The following NCKAP5 variants were observed in gnomAD, a reference collection of about 807,000 sequenced individuals.
NCKAP5 encodes the protein nck-associated protein 5.
NCKAP5 carries 92 observed loss-of-function variants against 167.0 expected under a neutral mutation model. The observed-to-expected ratio is 0.55, with a 90% CI of 0.47 to 0.66. The LOEUF (loss-of-function observed/expected upper bound fraction) is 0.66. Among genes scored for constraint, NCKAP5 ranks in the 30% least tolerant of loss-of-function variants. NCKAP5 has a pLI of 0.00. For missense variants in NCKAP5, 2,378 were observed against 2,315.0 expected, an observed-to-expected ratio of 1.03 and a Z score of -0.56; for synonymous variants, 891 against 877.4, an observed-to-expected ratio of 1.02 and a Z score of -0.27.
intron 16 of NCKAP5, among the ~76,000 whole-genome samples, chr2:132,759,773 C>T (rs901848652): frequency 6.6e-6 from 1 of 151,698 alleles, no homozygotes; most frequent in African/African-American, 2.4e-5. Flanking sequence ...TAATCTTTGC[C>T]TTTTAACTAG....
intron 3 of NCKAP5, among the ~76,000 whole-genome samples, chr2:133,424,299 A>G (rs888538851): frequency 1.3e-5 from 2 of 152,142 alleles, no homozygotes; most frequent in African/African-American, 4.8e-5. Flanking sequence ...AGGTTTCCCA[A>G]TCAGTGTGAC....
At chr2:133,308,079 A>ATTTT (rs60111877) in intron 3 of NCKAP5, among the ~76,000 whole-genome samples, 15 of 89,396 alleles carry the variant, frequency 1.7e-4, no homozygotes, top group African/African-American at 4.1e-4. Flanking sequence ...TTATTGTTCT[A>ATTTT]TTTTTTTTTT....
Position 133,390,376 on chromosome 2 carries a change from C to G in NCKAP5, c.70-87266G>C, listed in dbSNP as rs111987217. 8.5e-5 allele frequency among the ~76,000 whole-genome samples: 13 copies of G among 152,244 alleles called. No homozygotes were observed. In the South Asian group the frequency reaches 2.1e-3, roughly 24 times the overall value. On this transcript the variant is annotated intron_variant, in intron 3 of 19. Transcript: ENST00000409261. Reference sequence around the variant, plus strand: ...GTTGAATGTGGCTATTATGTGCATACCAGGGAGGACATAAAGCTTCCCACA... The same window carrying G: ...GTTGAATGTGGCTATTATGTGCATAGCAGGGAGGACATAAAGCTTCCCACA...
chr2:133,164,145 T>C (rs954181027), intron 5 of NCKAP5, among the ~76,000 whole-genome samples: 4 of 152,208 alleles, frequency 2.6e-5, no homozygotes, highest in African/African-American at 7.2e-5. Context: ...GTCCATGCTA[T>C]GCAAGCACAG....
the NCKAP5 span, among the ~76,000 whole-genome samples, chr2:133,586,235 C>T: frequency 6.6e-6 from 1 of 152,140 alleles, no homozygotes; most frequent in African/African-American, 2.4e-5. Flanking sequence ...AAGCACCTCC[C>T]TCAGAGGGTC....
At chr2:132,745,349 C>T (rs886680766) in intron 16 of NCKAP5, among the ~76,000 whole-genome samples, 3 of 150,966 alleles carry the variant, frequency 2.0e-5, no homozygotes, top group African/African-American at 7.3e-5. Context: ...TCTCAAAATA[C>T]ATAGAAAAAA....
chr2:133,500,755 T>C (rs1682435972), intron 3 of NCKAP5, among the ~76,000 whole-genome samples: 1 of 152,228 alleles, frequency 6.6e-6, no homozygotes, highest in Admixed American at 6.5e-5. Context: ...TTCTTCAGGA[T>C]CATCTTTATA....
intron 4 of NCKAP5, among the ~76,000 whole-genome samples, chr2:133,291,269 C>A (rs1679578499): frequency 6.6e-6 from 1 of 152,172 alleles, no homozygotes; most frequent in African/African-American, 2.4e-5. Context: ...AAAACATGCT[C>A]TCATGAGATA....
At position 132,766,278 on chromosome 2, in the gene NCKAP5, CAAAAAAAAA is replaced by C. The variant is rs70973405; in HGVS notation, c.5128+7529_5128+7537del. 4.6e-3 allele frequency among the ~76,000 whole-genome samples: 176 copies of C among 38,432 alleles called. 2 individuals carry two copies. Among genetic ancestry groups the C allele is most frequent in the African/African-American group, 0.012 (134 of 11,062 alleles). The allele number at this position is 38,432 out of a possible 152,430, so 25.2% of individuals were successfully genotyped here. On this transcript the variant is annotated intron_variant, in intron 16 of 19. Coordinates refer to ENST00000409261, the MANE Select transcript of NCKAP5 (RefSeq NM_207363.3). ...CTGGCGAAACAGTGAGATTCTGTCT[CAAAAAAAAA>C]AAAAAAAAAAAAAAAAAAGAGAAAA...
chr2:133,320,844 G>A (rs1681998114), intron 3 of NCKAP5, among the ~76,000 whole-genome samples: 1 of 152,196 alleles, frequency 6.6e-6, no homozygotes, highest in African/African-American at 2.4e-5. Context: ...TTTCTGTGAT[G>A]ACGCTGGAGA....
chr2:133,438,416 C>G (rs1690631009), intron 3 of NCKAP5, among the ~76,000 whole-genome samples: 1 of 152,174 alleles, frequency 6.6e-6, no homozygotes, highest in Non-Finnish European at 1.5e-5. Flanking sequence ...TATGATTATA[C>G]TTGTAACACA....
At chr2:133,082,077 C>T (rs2080829324) in intron 6 of NCKAP5, among the ~76,000 whole-genome samples, 1 of 152,076 alleles carries the variant, frequency 6.6e-6, no homozygotes, top group South Asian at 2.1e-4. Context: ...TGTTGTGCCC[C>T]AATTTGTGTC....
intron 19 of NCKAP5, among the ~76,000 whole-genome samples, chr2:132,696,729 A>G (rs1462758650): frequency 6.6e-6 from 1 of 152,136 alleles, no homozygotes; most frequent in Non-Finnish European, 1.5e-5. Flanking sequence ...AAAACTCAAA[A>G]CTCAAGAAGA....
intron 3 of NCKAP5, among the ~76,000 whole-genome samples, chr2:133,438,342 G>C (rs191879919): frequency 6.6e-6 from 1 of 152,204 alleles, no homozygotes; most frequent in Non-Finnish European, 1.5e-5. Flanking sequence ...GTTTCTGTTT[G>C]AACAGTGCTT....
chr2:133,012,732 G>A (rs1573737547), intron 6 of NCKAP5, among the ~76,000 whole-genome samples: 1 of 151,964 alleles, frequency 6.6e-6, no homozygotes, highest in East Asian at 1.9e-4. Flanking sequence ...AACTACAGAT[G>A]GCCACACCCC....
rs144956330 is a variant in NCKAP5, at chr2:133,515,818, C to T, written c.69+1640G>A. On this transcript the variant is annotated intron_variant, in intron 3 of 19. Coordinates refer to ENST00000409261, the MANE Select transcript of NCKAP5 (RefSeq NM_207363.3). The stretch of plus-strand genomic sequence containing the variant: ...CGTCCCCCTGCCCTGTCTTGTCCTG[C>T]CCTATCCCTGCCTTCGCAGCTATCT... Among the ~76,000 whole-genome samples, 1,198 of 152,376 alleles carry T rather than the reference C, an allele frequency of 7.9e-3. 6 individuals carry two copies. Among genetic ancestry groups the T allele is most frequent in the African/African-American group, 0.028 (1,148 of 41,578 alleles).
Position 132,860,576 on chromosome 2 carries a change from T to C in NCKAP5, c.723A>G (p.Arg241=), listed in dbSNP as rs376703063. The change falls in exon 11 of 20, where the codon AGA becomes AGG. Residue 241 remains arginine (R), a synonymous_variant. Transcript: ENST00000409261. ...LREECVKLKT[R]VFDLEQQNRT... ...GATTCTGCTGTTCCAAATCAAACAC[T>C]CTTGTTTTCAACTTCACACATTCCT... is the stretch of plus-strand genomic sequence containing the variant. 38 of 1,582,432 alleles carry C rather than the reference T, an allele frequency of 2.4e-5. 1 individual carries two copies. The African/African-American group carries it at 4.3e-4, about 18-fold the overall frequency.
intron 8 of NCKAP5, among the ~76,000 whole-genome samples, chr2:132,945,481 C>T (rs543549083): frequency 1.1e-4 from 16 of 151,786 alleles, no homozygotes; most frequent in South Asian, 8.3e-4. Flanking sequence ...CAGCTGGATG[C>T]GTGATAAGAC....
chr2:133,032,705 C>A (rs2078918936), intron 6 of NCKAP5, among the ~76,000 whole-genome samples: 1 of 152,112 alleles, frequency 6.6e-6, no homozygotes, highest in Admixed American at 6.5e-5. Context: ...TCTGTTCTCA[C>A]AGTGCTATAA....
Sources: gnomAD v4.1 joint callset for allele counts (sites outside exome capture counted in the v4.1 genomes callset) on GRCh38, gnomAD v4.1.1 for gene constraint, MANE v1.5 for transcripts, NCBI Gene and HGNC (gene_info 2026-07-23, HGNC 2026-07-21) for gene names.